Variants in PCDHGA4 observed in about 807,000 individuals in gnomAD.
PCDHGA4 encodes protocadherin gamma-A4.
A neutral mutation model predicts 54.6 loss-of-function variants in PCDHGA4; 38 were observed. That is an observed-to-expected ratio of 0.70 (90% CI 0.54 to 0.91). The LOEUF (loss-of-function observed/expected upper bound fraction) is 0.91. Ranked by LOEUF, PCDHGA4 falls within the 40% of genes least tolerant of loss-of-function variation. The probability of loss-of-function intolerance (pLI) is 0.00; values close to 1 mark genes in which losing one functional copy is unlikely to be tolerated. For synonymous variants in PCDHGA4, 511 were observed against 512.9 expected (o/e 1.00, Z 0.05); for missense variants, 1,298 against 1,220.9 (o/e 1.06, Z -0.94).
chr5:141,371,081 G>T, intron 1 of PCDHGA4: 11 of 1,613,852 alleles, frequency 6.8e-6, no homozygotes, highest in Non-Finnish European at 9.3e-6. Context: ...CCCAGATCAG[G>T]GTAATTGTCG....
chr5:141,366,178 C>A lies in PCDHGA4; in HGVS notation c.2514+8557C>A, dbSNP rs778986920. The stretch of plus-strand genomic sequence containing the variant: ...TGCTTAAGGCCAGCGAGCCAGGACT[C>A]TTTGCGGTTGGGCTGCACACGGGCG... On this transcript the variant is annotated intron_variant, in intron 1 of 3. Coordinates refer to ENST00000571252, the MANE Select transcript of PCDHGA4 (RefSeq NM_018917.4). The A allele has an allele frequency of 3.1e-6, 5 of 1,613,926 alleles. No individual in the cohort carries two copies. In the Admixed American group the frequency reaches 8.3e-5, roughly 27 times the overall value.
At chr5:141,399,675 T>C (rs753709757) in intron 1 of PCDHGA4, 3 of 1,613,618 alleles carry the variant, frequency 1.9e-6, no homozygotes, top group South Asian at 2.2e-5. Context: ...AGCGCGCCTT[T>C]GACTACGAGC....
At chr5:141,359,694 G>C (rs4912605) in intron 1 of PCDHGA4, among the ~76,000 whole-genome samples, 1 of 151,894 alleles carries the variant, frequency 6.6e-6, no homozygotes, top group Non-Finnish European at 1.5e-5. Flanking sequence ...ACATATCTCC[G>C]GAAGGATACC....
chr5:141,376,351 G>A (rs1333788917), intron 1 of PCDHGA4: 4 of 1,614,178 alleles, frequency 2.5e-6, no homozygotes, highest in Non-Finnish European at 3.4e-6. Context: ...ATTCCCACGA[G>A]GTCTCACTCA....
intron 3 of PCDHGA4, among the ~76,000 whole-genome samples, chr5:141,509,751 A>T (rs1430265981): frequency 6.6e-6 from 1 of 151,998 alleles, no homozygotes; most frequent in Admixed American, 6.5e-5. Flanking sequence ...CCTGTGCCTA[A>T]AGTGTCCCTG....
chr5:141,478,146 T>C (rs1457995929), intron 1 of PCDHGA4: 1 of 1,613,978 alleles, frequency 6.2e-7, no homozygotes, highest in Non-Finnish European at 8.5e-7. Context: ...CGAGCCGAGT[T>C]CCCCTCTGGC....
At chr5:141,403,836 A>G (rs370798833) in intron 1 of PCDHGA4, 8 of 1,613,670 alleles carry the variant, frequency 5.0e-6, no homozygotes, top group African/African-American at 1.3e-5. Context: ...TTCCAGCTTA[A>G]TGAAAATACT....
intron 1 of PCDHGA4, chr5:141,428,158 G>A: frequency 6.3e-7 from 1 of 1,577,728 alleles, no homozygotes; most frequent in Non-Finnish European, 8.7e-7. Context: ...GGAACCTGCT[G>A]GTTGCTGTGC....
intron 1 of PCDHGA4, among the ~76,000 whole-genome samples, chr5:141,447,600 T>G (rs769487703): frequency 6.6e-6 from 1 of 151,992 alleles, no homozygotes; most frequent in Non-Finnish European, 1.5e-5. Flanking sequence ...TCCTATAGAG[T>G]CCTTAGCATT....
chr5:141,506,109 A>G (rs1027886504), intron 3 of PCDHGA4, among the ~76,000 whole-genome samples: 5 of 152,126 alleles, frequency 3.3e-5, no homozygotes, highest in Middle Eastern at 3.2e-3. Flanking sequence ...GTCCCTGAAG[A>G]GTCACTAGGG....
chr5:141,480,152 C>G (rs2099513323), intron 1 of PCDHGA4, among the ~76,000 whole-genome samples: 1 of 151,928 alleles, frequency 6.6e-6, no homozygotes, highest in African/African-American at 2.4e-5. Context: ...TAGCCAGCTC[C>G]TAGCATTTTG....
At chr5:141,430,084 A>G (rs538721051) in intron 1 of PCDHGA4, among the ~76,000 whole-genome samples, 2 of 152,292 alleles carry the variant, frequency 1.3e-5, no homozygotes, top group Admixed American at 1.3e-4. Context: ...AATATCATGA[A>G]AATTTGATTT....
chr5:141,507,691 A>G (rs777728143), intron 3 of PCDHGA4, among the ~76,000 whole-genome samples: 72 of 152,198 alleles, frequency 4.7e-4, no homozygotes, highest in Non-Finnish European at 6.8e-4. Context: ...CAGAAATGAA[A>G]TCAGTATTTA....
chr5:141,355,936 G>C lies in PCDHGA4; in HGVS notation c.829G>C (p.Glu277Gln). 6.2e-7 allele frequency: 1 copy of C among 1,613,826 alleles called. No homozygotes were observed. The highest frequency in any genetic ancestry group is 8.5e-7 in the Non-Finnish European group (1 of 1,179,866). Residue 277 changes from glutamate (E) to glutamine (Q), a missense_variant, in exon 1 of 4, where the codon GAG (glutamate) becomes CAG (glutamine). Coordinates refer to ENST00000571252, the MANE Select transcript of PCDHGA4 (RefSeq NM_018917.4). ...NDNAPVFTQP[E>Q]YHVSVRENVP... ...TAATGCTCCCGTGTTCACTCAGCCC[G>C]AGTACCACGTAAGTGTTCGTGAGAA...
chr5:141,383,521 C>T (rs1434665459), intron 1 of PCDHGA4: 5 of 1,612,260 alleles, frequency 3.1e-6, no homozygotes, highest in Non-Finnish European at 4.2e-6. Flanking sequence ...AGAGCGGGTT[C>T]ACCACCTGGT....
Position 141,355,658 on chromosome 5 carries a change from C to T in PCDHGA4, c.551C>T (p.Pro184Leu). The change falls in exon 1 of 4, where the codon CCT becomes CTT. Residue 184 changes from proline to leucine, a missense_variant. By Grantham distance (98) the Pro-to-Leu change is moderately conservative. Coordinates refer to ENST00000571252, the MANE Select transcript of PCDHGA4 (RefSeq NM_018917.4). ...AATGAAAATCCTGGGGCAAGATTTCCTCTTCCTGAAGCTTTTGATCCGGAT... is the reference window on the plus strand; with the variant it reads ...AATGAAAATCCTGGGGCAAGATTTCTTCTTCCTGAAGCTTTTGATCCGGAT... Reference protein sequence around the residue: ...AENENPGARFPLPEAFDPDVG... With the variant: ...AENENPGARFLLPEAFDPDVG... The T allele has an allele frequency of 6.2e-7, 1 of 1,614,004 alleles. No individual in the cohort carries two copies. The highest frequency in any genetic ancestry group is 8.5e-7 in the Non-Finnish European group (1 of 1,179,890).
intron 1 of PCDHGA4, chr5:141,390,447 G>A: frequency 1.2e-6 from 1 of 843,848 alleles, no homozygotes; most frequent in Non-Finnish European, 1.8e-6. Flanking sequence ...TACAAAGGAG[G>A]AGTAAAGTAG....
At chr5:141,384,891 G>A in intron 1 of PCDHGA4, 1 of 1,613,876 alleles carries the variant, frequency 6.2e-7, no homozygotes, top group Non-Finnish European at 8.5e-7. Flanking sequence ...CCGTGGCTGT[G>A]GCTGACAGCA....
At chr5:141,461,190 T>C (rs2099010725) in intron 1 of PCDHGA4, among the ~76,000 whole-genome samples, 1 of 152,142 alleles carries the variant, frequency 6.6e-6, no homozygotes, top group Non-Finnish European at 1.5e-5. Context: ...TAGATCTGTT[T>C]TTTGCTCTTT....
Sources: gnomAD v4.1 joint callset for allele counts (sites outside exome capture counted in the v4.1 genomes callset) on GRCh38, gnomAD v4.1.1 for gene constraint, MANE v1.5 for transcripts, NCBI Gene and HGNC (gene_info 2026-07-23, HGNC 2026-07-21) for gene names.